The following SHOX2 variants were observed in gnomAD, a reference collection of about 807,000 sequenced individuals.
SHOX2 encodes the protein short stature homeobox protein 2.
A neutral mutation model predicts 31.3 loss-of-function variants in SHOX2; 13 were observed. The observed-to-expected ratio is 0.42, with a 90% CI of 0.27 to 0.66. The LOEUF (loss-of-function observed/expected upper bound fraction) is 0.66, where lower values mean the gene tolerates loss of function less well. Among genes scored for constraint, SHOX2 ranks in the 30% least tolerant of loss-of-function variants. The pLI is 0.27. For missense variants in SHOX2, 473 were observed against 443.0 expected (o/e 1.07, Z -0.61); for synonymous variants, 244 against 196.2 (o/e 1.24, Z -2.04).
intron 1 of SHOX2, 69 bp from the exon 2 acceptor site, chr3:158,102,955 C>T (rs1263823516): frequency 3.8e-6 from 5 of 1,331,556 alleles, no homozygotes; most frequent in Admixed American, 3.4e-5. Flanking sequence ...CACACACACA[C>T]GGACGAAAAC....
rs1387600715 is a variant in SHOX2 at position 158,098,223 on chromosome 3, T to A, written c.764A>T (p.His255Leu). ...CATGTAGGGCGCGTGCGCGGCCAGG[T>A]GCGGATGCAGGTGGTGGTGCGCGTG... The part of the protein sequence containing the change: ...VAHAHHHLHP[H>L]LAAHAPYMMF... Residue 255 changes from histidine (H) to leucine (L), a missense_variant, in exon 5 of 5, where the codon CAC (histidine) becomes CTC (leucine). His to Leu is a moderately conservative substitution (Grantham distance 99, BLOSUM62 -3). This residue lies in a region of SHOX2 where 182 missense variants were observed against 167.2 expected (regional missense o/e 1.09). Transcript: ENST00000483851. 2 of 1,613,786 alleles carry A rather than the reference T, an allele frequency of 1.2e-6. No individual in the cohort carries two copies. Among genetic ancestry groups the A allele is most frequent in the African/African-American group, 1.3e-5 (1 of 74,928 alleles).
intron 1 of SHOX2, chr3:158,103,816 G>A (rs1437351178): frequency 2.6e-5 from 4 of 152,246 alleles, no homozygotes; most frequent in African/African-American, 4.8e-5. Flanking sequence ...GCGATCCTCG[G>A]TTTCTATTGG....
At position 158,097,855 on chromosome 3, in the gene SHOX2, TG is replaced by T; in HGVS notation, c.*171del. Reference sequence around the variant, plus strand: ...GCCTCGTGAGATCCCTGGTCCTGCGTGGAGTCTGGCTTTCCGAGTCCAAGAT... The same window carrying T: ...GCCTCGTGAGATCCCTGGTCCTGCGTGAGTCTGGCTTTCCGAGTCCAAGAT... On this transcript the variant is annotated 3_prime_UTR_variant, in exon 5 of 5. Coordinates refer to ENST00000483851, the MANE Select transcript of SHOX2 (RefSeq NM_001163678.2). The T allele has an allele frequency of 2.4e-6, 2 of 839,094 alleles. No individual in the cohort carries two copies. Among genetic ancestry groups the T allele is most frequent in the Non-Finnish European group, 3.7e-6 (2 of 534,100 alleles). 52.0% of individuals were successfully genotyped at this position (839,094 alleles called of 1,614,324 possible).
At chr3:158,099,452 A>G (rs1713347075) in intron 4 of SHOX2, among the ~76,000 whole-genome samples, 1 of 152,256 alleles carries the variant, frequency 6.6e-6, no homozygotes, top group Non-Finnish European at 1.5e-5. Flanking sequence ...TTCTTCTGTC[A>G]GAGTTATTTA....
Position 158,105,760 on chromosome 3 carries a change from CT to C in SHOX2, c.264del (p.Gly89GlufsTer25), listed in dbSNP as rs1713866309. 4 of 1,522,176 alleles carry C rather than the reference CT, an allele frequency of 2.6e-6. No individual in the cohort carries two copies. The highest frequency in any genetic ancestry group is 3.5e-6 in the Non-Finnish European group (4 of 1,135,974). The allele number at this position is 1,522,176 out of a possible 1,614,324, so 94.3% of individuals were successfully genotyped here. A position where few individuals can be genotyped will look rare whatever the true frequency, so the allele number is the denominator to read the frequency against. Reference sequence around the variant, plus strand: ...AGCTCCCGGACGGGAGAGCGCCCTCCTCCAGCTCCTCCGCCTGCTCCTCCTC... The same window carrying C: ...AGCTCCCGGACGGGAGAGCGCCCTCCCCAGCTCCTCCGCCTGCTCCTCCTC... ...VGGGGAGGGA[G>X]GGRSPVRELD... On this transcript the variant is annotated frameshift_variant, in exon 1 of 5. Coordinates refer to ENST00000483851, the MANE Select transcript of SHOX2 (RefSeq NM_001163678.2). LOFTEE classifies it high-confidence loss of function.
At chr3:158,105,544 G>T in intron 1 of SHOX2, 135 bp downstream of exon 1, 1 of 751,640 alleles carries the variant, frequency 1.3e-6, no homozygotes, top group Non-Finnish European at 2.1e-6. Context: ...TATCACTCTA[G>T]CTGACAAAGC....
chr3:158,102,100 G>A (rs1275438379), intron 2 of SHOX2, among the ~76,000 whole-genome samples: 2 of 152,170 alleles, frequency 1.3e-5, no homozygotes, highest in African/African-American at 2.4e-5. Flanking sequence ...ACCAAAATGC[G>A]TTTATTTCTC....
In SHOX2 at chr3:158,098,227, G is replaced by T. The variant is rs142921456; in HGVS notation, c.760C>A (p.Pro254Thr). The change falls in exon 5 of 5, where the codon CCG becomes ACG. Residue 254 changes from proline (P) to threonine (T), a missense_variant. By Grantham distance (38) the Pro-to-Thr change is conservative. Around this residue, in one of 3 missense-constraint regions of SHOX2, gnomAD observed 182 missense variants for 167.2 expected, o/e 1.09. Coordinates refer to ENST00000483851, the MANE Select transcript of SHOX2 (RefSeq NM_001163678.2). Reference protein sequence around the residue: ...AVAHAHHHLHPHLAAHAPYMM... With the variant: ...AVAHAHHHLHTHLAAHAPYMM... ...TAGGGCGCGTGCGCGGCCAGGTGCGGATGCAGGTGGTGGTGCGCGTGCGCC... is the reference window on the plus strand; with the variant it reads ...TAGGGCGCGTGCGCGGCCAGGTGCGTATGCAGGTGGTGGTGCGCGTGCGCC... 59 of 1,613,852 alleles carry T rather than the reference G, an allele frequency of 3.7e-5. No homozygotes were observed. The South Asian group carries it at 3.7e-4, about 10-fold the overall frequency.
chr3:158,099,204 G>C (rs899994624), intron 4 of SHOX2, among the ~76,000 whole-genome samples: 1 of 152,224 alleles, frequency 6.6e-6, no homozygotes, highest in Non-Finnish European at 1.5e-5. Flanking sequence ...CCTCAGGCTT[G>C]GAAAGTGGGG....
intron 1 of SHOX2, chr3:158,103,364 C>T (rs1713637698): frequency 9.0e-6 from 2 of 222,344 alleles, no homozygotes; most frequent in Non-Finnish European, 1.8e-5. Context: ...AGAAGGCTGG[C>T]TCGTTCTCAG....
intron 1 of SHOX2, 58 bp from the exon 2 acceptor site, chr3:158,102,944 GCA>G (rs1387919209): frequency 2.6e-5 from 33 of 1,282,086 alleles, no homozygotes; most frequent in Non-Finnish European, 3.2e-5. Flanking sequence ...ACACACACAC[GCA>G]CACACACACG....
Position 158,096,928 on chromosome 3 carries a change from A to ATATATG in SHOX2, c.*1098_*1099insCATATA, listed in dbSNP as rs1335056593. 182 of 121,206 alleles carry ATATATG rather than the reference A, an allele frequency of 1.5e-3. 3 individuals are homozygous for ATATATG. The highest frequency in any genetic ancestry group is 5.5e-3 in the African/African-American group (177 of 32,042). 7.5% of individuals were successfully genotyped at this position (121,206 alleles called of 1,614,324 possible). On this transcript the variant is annotated 3_prime_UTR_variant, in exon 5 of 5. Coordinates refer to ENST00000483851, the MANE Select transcript of SHOX2 (RefSeq NM_001163678.2). Reference sequence around the variant, plus strand: ...TATATATATATATATATATATATATATATGGCAAATATATGATATATATAT... The same window carrying ATATATG: ...TATATATATATATATATATATATATATATATGTATGGCAAATATATGATATATATAT...
chr3:158,100,414 A>C lies in SHOX2; in HGVS notation c.556-103T>G, dbSNP rs548693717. On this transcript the variant is annotated intron_variant, in intron 2 of 4. Coordinates refer to ENST00000483851, the MANE Select transcript of SHOX2 (RefSeq NM_001163678.2). ...AGAAAAGAGTCGTGGTTTAGACAAG[A>C]ATTGGGAGATACAGCAAGCAATCTT... 46 of 765,784 alleles carry C rather than the reference A, an allele frequency of 6.0e-5. No homozygotes were observed. In the African/African-American group the frequency reaches 6.6e-4, roughly 11 times the overall value. The allele number at this position is 765,784 out of a possible 1,614,324, so 47.4% of individuals were successfully genotyped here. A position where few individuals can be genotyped will look rare whatever the true frequency, so the allele number is the denominator to read the frequency against.
In SHOX2 at chr3:158,096,991, A is replaced by G. The variant is rs1210719820; in HGVS notation, c.*1036T>C. 7.3e-6 allele frequency: 1 copy of G among 136,056 alleles called. No individual in the cohort carries two copies. Among genetic ancestry groups the G allele is most frequent in the African/African-American group, 2.9e-5 (1 of 34,310 alleles). The allele number at this position is 136,056 out of a possible 1,614,324, so 8.4% of individuals were successfully genotyped here. On this transcript the variant is annotated 3_prime_UTR_variant, in exon 5 of 5. Transcript: ENST00000483851. ...ATATCAATTTCCAGATACTTTTGGTATTGTTTTTCATAGTGAAGATGAAAA... is the reference window on the plus strand; with the variant it reads ...ATATCAATTTCCAGATACTTTTGGTGTTGTTTTTCATAGTGAAGATGAAAA...
intron 1 of SHOX2, chr3:158,103,893 G>C (rs890813276): frequency 1.3e-5 from 2 of 152,210 alleles, no homozygotes; most frequent in African/African-American, 2.4e-5. Flanking sequence ...TTTCTGCTCT[G>C]GGTTTGCACA....
chr3:158,099,157 T>C (rs539132433), intron 4 of SHOX2, among the ~76,000 whole-genome samples: 4 of 152,316 alleles, frequency 2.6e-5, no homozygotes, highest in East Asian at 3.9e-4. Flanking sequence ...TGGCTGAGGA[T>C]AGGGAAGGTC....
chr3:158,105,124 T>C, intron 1 of SHOX2: 2 of 1,478,500 alleles, frequency 1.4e-6, no homozygotes, highest in East Asian at 2.9e-5. Context: ...GTTGGCTTCC[T>C]TCTACCTTGA....
chr3:158,102,382 C>A (rs554188529), intron 2 of SHOX2, among the ~76,000 whole-genome samples: 66 of 151,424 alleles, frequency 4.4e-4, no homozygotes, highest in African/African-American at 1.4e-3. Context: ...AGGATTAAAC[C>A]ACATTAAAGC....
At chr3:158,104,280 G>A (rs1032999626) in intron 1 of SHOX2, 1 of 152,318 alleles carries the variant, frequency 6.6e-6, no homozygotes. Context: ...GTGGACTCAT[G>A]GCCGGGAGGC....
Sources: gnomAD v4.1 joint callset for allele counts (sites outside exome capture counted in the v4.1 genomes callset) on GRCh38, gnomAD v4.1.1 for gene constraint, gnomAD v4.1.1 regional missense constraint, MANE v1.5 for transcripts, NCBI Gene and HGNC (gene_info 2026-07-23, HGNC 2026-07-21) for gene names.